Variants in MBTPS1 observed in about 807,000 individuals in gnomAD.
MBTPS1 encodes the protein membrane-bound transcription factor site-1 protease.
In MBTPS1, 94 loss-of-function variants were observed where a neutral mutation model predicts 127.8. The ratio of observed to expected loss-of-function variants is 0.74; its 90% CI spans 0.62 to 0.87. The LOEUF is 0.87. Among genes scored for constraint, MBTPS1 ranks in the 40% least tolerant of loss-of-function variants. MBTPS1 has a pLI of 0.00. For synonymous variants in MBTPS1, 632 were observed against 509.4 expected (o/e 1.24, Z -3.24); for missense variants, 1,636 against 1,353.2 (o/e 1.21, Z -3.28).
intron 11 of MBTPS1, 119 bp from the exon 12 acceptor site, chr16:84,074,860 G>A (rs1025432482): frequency 3.6e-5 from 31 of 854,062 alleles, no homozygotes; most frequent in East Asian, 3.6e-4. Flanking sequence ...TGCTTACAGC[G>A]CTGCCCTAGG....
chr16:84,054,728 A>T (rs2085494674), intron 22 of MBTPS1, 83 bp from the exon 23 acceptor site: 7 of 1,116,424 alleles, frequency 6.3e-6, no homozygotes, highest in Non-Finnish European at 8.7e-6. Context: ...TGGATTCATC[A>T]GAAACTAAAT....
chr16:84,071,525 C>T lies in MBTPS1; in HGVS notation c.1594-749G>A, dbSNP rs1360955103. Among the ~76,000 whole-genome samples, 3 of 152,196 alleles carry T rather than the reference C, an allele frequency of 2.0e-5. No homozygotes were observed. The East Asian group carries it at 5.8e-4, about 29-fold the overall frequency. ...GAAGAAAAGGGATTTTTAAAGAATG[C>T]TCTTGGAGCCACTGGTTCCCAAGTG... On this transcript the variant is annotated intron_variant, in intron 12 of 22. Transcript: ENST00000343411.
chr16:84,085,310 T>C (rs1173047280), intron 9 of MBTPS1, among the ~76,000 whole-genome samples, 176 bp from the exon 10 acceptor site: 1 of 152,192 alleles, frequency 6.6e-6, no homozygotes, highest in Non-Finnish European at 1.5e-5. Flanking sequence ...CTCACACCTG[T>C]AATCCCAACA....
At chr16:84,109,712 T>C (rs1367161763) in intron 1 of MBTPS1, 5 of 152,178 alleles carry the variant, frequency 3.3e-5, no homozygotes, top group African/African-American at 9.7e-5. Context: ...CTGCCCCAGA[T>C]TGAAGGAGAC....
At chr16:84,088,183 C>T (rs543066942) in intron 8 of MBTPS1, among the ~76,000 whole-genome samples, 1 of 152,174 alleles carries the variant, frequency 6.6e-6, no homozygotes, top group East Asian at 1.9e-4. Context: ...AACTGCATTG[C>T]TAAGCTTTAT....
intron 1 of MBTPS1, among the ~76,000 whole-genome samples, chr16:84,112,974 CA>C (rs71382895): frequency 0.061 from 3,490 of 56,914 alleles, 34 homozygotes; most frequent in African/African-American, 0.14. Flanking sequence ...GATGCCATCT[CA>C]AAAAAAAAAA....
At chr16:84,057,957 C>G (rs572055073) in intron 21 of MBTPS1, 9 of 152,332 alleles carry the variant, frequency 5.9e-5, no homozygotes, top group Non-Finnish European at 1.3e-4. Context: ...TCTGGAAATT[C>G]AGCTAACACT....
chr16:84,107,246 G>A (rs1185045998), intron 1 of MBTPS1, among the ~76,000 whole-genome samples: 2 of 152,194 alleles, frequency 1.3e-5, no homozygotes, highest in African/African-American at 4.8e-5. Context: ...CCAGAAAAGG[G>A]CCACACTAGT....
At position 84,054,665 on chromosome 16, in the gene MBTPS1, T is replaced by G. The variant is rs929119060; in HGVS notation, c.2963-20A>C. ...TGATCCCTGTAAGAGGACAGCCGGTTGAACAGGCAGGAACGCCACAGAGCT... is the reference window on the plus strand; with the variant it reads ...TGATCCCTGTAAGAGGACAGCCGGTGGAACAGGCAGGAACGCCACAGAGCT... On this transcript the variant is annotated intron_variant, in intron 22 of 22. Transcript: ENST00000343411. 15 of 1,554,664 alleles carry G rather than the reference T, an allele frequency of 9.6e-6. No individual in the cohort carries two copies. Among genetic ancestry groups the G allele is most frequent in the Non-Finnish European group, 1.3e-5 (15 of 1,146,574 alleles).
Position 84,093,771 on chromosome 16 carries a change from G to T in MBTPS1, c.676C>A (p.Pro226Thr). Residue 226 changes from proline (P) to threonine (T), a missense_variant, in exon 5 of 23, where the codon CCC becomes ACC. Physicochemically the swap from Pro to Thr is conservative, Grantham distance 38 (BLOSUM62 -1). Transcript: ENST00000343411. The stretch of plus-strand genomic sequence containing the variant: ...CTCTCCTTCACATTTTTGAAGTGGG[G>T]ATGCTTCTCGCTCAGCCCAGTGTCA... ...VFDTGLSEKH[P>T]HFKNVKERTN... 6.2e-7 allele frequency: 1 copy of T among 1,614,124 alleles called. No homozygotes were observed. Among genetic ancestry groups the T allele is most frequent in the African/African-American group, 1.3e-5 (1 of 75,030 alleles).
At chr16:84,069,788 C>A (rs2085743159) in intron 14 of MBTPS1, 78 bp downstream of exon 14, 2 of 1,327,534 alleles carry the variant, frequency 1.5e-6, no homozygotes, top group East Asian at 2.3e-5. Context: ...CAACATCTTT[C>A]CAAGAGTTGC....
chr16:84,069,306 C>T (rs915967205), intron 14 of MBTPS1, among the ~76,000 whole-genome samples: 2 of 152,272 alleles, frequency 1.3e-5, no homozygotes, highest in African/African-American at 2.4e-5. Flanking sequence ...ATGGGGACTG[C>T]GGGGGAAGCA....
At position 84,081,762 on chromosome 16, in the gene MBTPS1, T is replaced by C. The variant is rs1369944928; in HGVS notation, c.1433A>G (p.Tyr478Cys). 4.2e-6 allele frequency: 6 copies of C among 1,423,408 alleles called. No individual in the cohort carries two copies. Among genetic ancestry groups the C allele is most frequent in the Non-Finnish European group, 5.6e-6 (6 of 1,078,830 alleles). The allele number at this position is 1,423,408 out of a possible 1,614,324, so 88.2% of individuals were successfully genotyped here. A position where few individuals can be genotyped will look rare whatever the true frequency, so the allele number is the denominator to read the frequency against. ...GTGCACTGACCTTGCCTGTGGCTTG[T>C]AGCTGTTGAGGATCTGATAGGCTCT... The part of the protein sequence containing the change: ...LLRAYQILNS[Y>C]KPQASLSPSY... The change falls in exon 11 of 23, where the codon TAC (tyrosine) becomes TGC (cysteine). Residue 478 changes from tyrosine to cysteine, a missense_variant. Physicochemically the swap from Tyr to Cys is radical, Grantham distance 194 (BLOSUM62 -2). Coordinates refer to ENST00000343411, the MANE Select transcript of MBTPS1 (RefSeq NM_003791.4).
At position 84,105,737 on chromosome 16, in the gene MBTPS1, TC is replaced by T. The variant is rs1478750040; in HGVS notation, c.-324-3631del. On this transcript the variant is annotated intron_variant, in intron 1 of 22. Coordinates refer to ENST00000343411, the MANE Select transcript of MBTPS1 (RefSeq NM_003791.4). ...CCAACAGCCGGAAATACGGACCTCT[TC>T]CATCCAATGGCAGTGAAGAGCACAG... 3.3e-5 allele frequency among the ~76,000 whole-genome samples: 5 copies of T among 152,130 alleles called. No homozygotes were observed. In the East Asian group the frequency reaches 9.7e-4, roughly 29 times the overall value.
At chr16:84,101,113 A>G (rs541222666) in intron 2 of MBTPS1, among the ~76,000 whole-genome samples, 1 of 152,250 alleles carries the variant, frequency 6.6e-6, no homozygotes, top group East Asian at 1.9e-4. Flanking sequence ...AGCCTGGCCA[A>G]TGTGGTGAAA....
intron 11 of MBTPS1, among the ~76,000 whole-genome samples, chr16:84,080,630 C>T (rs1261800076): frequency 6.6e-6 from 1 of 152,246 alleles, no homozygotes; most frequent in African/African-American, 2.4e-5. Context: ...AATGACTAAG[C>T]ACACAGGAGG....
chr16:84,084,655 G>T (rs1420286354), intron 10 of MBTPS1, among the ~76,000 whole-genome samples: 1 of 152,132 alleles, frequency 6.6e-6, no homozygotes, highest in East Asian at 1.9e-4. Context: ...TGATATTTAT[G>T]CTTGCTTGGA....
intron 17 of MBTPS1, among the ~76,000 whole-genome samples, chr16:84,065,973 T>C (rs992677939): frequency 1.3e-5 from 2 of 152,154 alleles, no homozygotes; most frequent in African/African-American, 2.4e-5. Context: ...ACTACTAACA[T>C]CAGGTTTCTG....
At chr16:84,103,168 G>A (rs929438838) in intron 1 of MBTPS1, among the ~76,000 whole-genome samples, 12 of 152,096 alleles carry the variant, frequency 7.9e-5, no homozygotes, top group Admixed American at 2.6e-4. Context: ...GACCATACCC[G>A]GGGCGTAAAT....
Sources: gnomAD v4.1 joint callset for allele counts (sites outside exome capture counted in the v4.1 genomes callset) on GRCh38, gnomAD v4.1.1 for gene constraint, MANE v1.5 for transcripts, NCBI Gene and HGNC (gene_info 2026-07-23, HGNC 2026-07-21) for gene names.